ADK: variants seen among roughly 807,000 people sequenced by gnomAD.
ADK encodes N6,N6-dimethyladenosine kinase.
A neutral mutation model predicts 44.7 loss-of-function variants in ADK; 24 were observed. The ratio of observed to expected loss-of-function variants is 0.54; its 90% CI spans 0.39 to 0.76. The LOEUF (loss-of-function observed/expected upper bound fraction) is 0.76, where lower values mean the gene tolerates loss of function less well. ADK is among the 30% of genes least tolerant of loss of function. The pLI is 0.00. For synonymous variants in ADK, 128 were observed against 142.6 expected, an observed-to-expected ratio of 0.90 and a Z score of 0.73; for missense variants, 321 against 425.1, an observed-to-expected ratio of 0.76 and a Z score of 2.15.
intron 4 of ADK, chr10:74,372,480 T>TA (rs35720770): frequency 0.54 from 165,202 of 307,670 alleles, 35,209 homozygotes; most frequent in Middle Eastern, 0.59. Context: ...AATGTCAGTT[T>TA]AAAAAAAAAA....
At chr10:74,309,588 T>C (rs1840367652) in intron 3 of ADK, among the ~76,000 whole-genome samples, 1 of 152,156 alleles carries the variant, frequency 6.6e-6, no homozygotes, top group African/African-American at 2.4e-5. Context: ...ATTCCAATAT[T>C]GATTCTGCTG....
At chr10:74,321,363 A>G (rs180724942) in intron 4 of ADK, among the ~76,000 whole-genome samples, 46 of 152,016 alleles carry the variant, frequency 3.0e-4, no homozygotes, top group Middle Eastern at 3.4e-3. Context: ...AGCTCACTGC[A>G]TCCTTGACCT....
chr10:74,225,178 A>G (rs543369036), intron 3 of ADK, among the ~76,000 whole-genome samples: 1 of 152,284 alleles, frequency 6.6e-6, no homozygotes, highest in South Asian at 2.1e-4. Flanking sequence ...CCTGGGTTCA[A>G]GCAATTCCCC....
At chr10:74,175,466 G>A (rs2132064426) in intron 1 of ADK, among the ~76,000 whole-genome samples, 1 of 151,542 alleles carries the variant, frequency 6.6e-6, no homozygotes, top group East Asian at 1.9e-4. Flanking sequence ...AAATTTAAAT[G>A]AATTAAAATT....
chr10:74,398,086 T>C (rs1843581449), intron 5 of ADK, among the ~76,000 whole-genome samples: 1 of 152,190 alleles, frequency 6.6e-6, no homozygotes, highest in Non-Finnish European at 1.5e-5. Flanking sequence ...TGATATTTAT[T>C]TTTATAAAGA....
intron 4 of ADK, among the ~76,000 whole-genome samples, chr10:74,355,032 T>C (rs1471423557): frequency 6.6e-6 from 1 of 152,118 alleles, no homozygotes; most frequent in African/African-American, 2.4e-5. Context: ...TTTTTCCCCT[T>C]CTTCTTCTTT....
At chr10:74,328,397 A>G (rs1038382463) in intron 4 of ADK, among the ~76,000 whole-genome samples, 8 of 22,114 alleles carry the variant, frequency 3.6e-4, no homozygotes, top group Non-Finnish European at 1.6e-3. Flanking sequence ...CCACCATAGA[A>G]AACTTGCATC....
At chr10:74,353,499 A>G (rs1223926411) in intron 4 of ADK, among the ~76,000 whole-genome samples, 2 of 151,786 alleles carry the variant, frequency 1.3e-5, no homozygotes, top group Admixed American at 1.3e-4. Context: ...AGGTGCACCA[A>G]ACCACCATGG....
At chr10:74,407,220 T>A (rs1329988079) in intron 6 of ADK, among the ~76,000 whole-genome samples, 7 of 152,186 alleles carry the variant, frequency 4.6e-5, no homozygotes, top group African/African-American at 1.4e-4. Flanking sequence ...CCTCCCAAAT[T>A]GCTGGGATTG....
At chr10:74,673,323 T>C (rs561186995) in intron 10 of ADK, among the ~76,000 whole-genome samples, 2 of 152,342 alleles carry the variant, frequency 1.3e-5, no homozygotes, top group East Asian at 1.9e-4. Context: ...AAGAGAGTTA[T>C]ATGAATCAGC....
chr10:74,608,436 T>C (rs1339850687), intron 9 of ADK, among the ~76,000 whole-genome samples: 1 of 152,108 alleles, frequency 6.6e-6, no homozygotes, highest in Non-Finnish European at 1.5e-5. Flanking sequence ...TCCTTTTTGT[T>C]GATGTTGGTG....
intron 3 of ADK, among the ~76,000 whole-genome samples, chr10:74,283,907 C>T (rs996376694): frequency 5.9e-5 from 9 of 151,768 alleles, no homozygotes; most frequent in Non-Finnish European, 1.0e-4. Context: ...GTCTTGATCT[C>T]CTGACCTTGT....
intron 6 of ADK, among the ~76,000 whole-genome samples, chr10:74,454,517 G>T (rs10824183): frequency 0.76 from 115,108 of 152,006 alleles, 44,540 homozygotes; most frequent in Middle Eastern, 0.86. Flanking sequence ...AATCCAAGTT[G>T]CGCTGCTTAC....
chr10:74,373,659 G>C (rs185543435), intron 4 of ADK, among the ~76,000 whole-genome samples: 22 of 152,258 alleles, frequency 1.4e-4, no homozygotes, highest in African/African-American at 4.3e-4. Context: ...TAATCAGAAG[G>C]ACAGAGTTTT....
At chr10:74,381,028 C>T (rs576173026) in intron 4 of ADK, among the ~76,000 whole-genome samples, 31 of 152,186 alleles carry the variant, frequency 2.0e-4, no homozygotes, top group African/African-American at 7.2e-4. Context: ...ACCATGACAA[C>T]AAATGCATGA....
chr10:74,489,891 A>C (rs1847415183), intron 6 of ADK, among the ~76,000 whole-genome samples: 1 of 152,050 alleles, frequency 6.6e-6, no homozygotes. Flanking sequence ...TGTAAGTAGG[A>C]ATAATATAAT....
intron 6 of ADK, chr10:74,423,918 G>T: frequency 9.2e-6 from 2 of 217,752 alleles, no homozygotes; most frequent in South Asian, 1.6e-4. Context: ...ATTGTCCCTT[G>T]ACAAAGTGGA....
intron 9 of ADK, among the ~76,000 whole-genome samples, chr10:74,663,117 A>T (rs537596999): frequency 6.6e-6 from 1 of 151,970 alleles, no homozygotes; most frequent in Admixed American, 6.6e-5. Context: ...CACGCCTGTA[A>T]TCCCAGCTAA....
At chr10:74,544,500 A>C (rs1401411026) in intron 7 of ADK, among the ~76,000 whole-genome samples, 1 of 152,222 alleles carries the variant, frequency 6.6e-6, no homozygotes, top group Non-Finnish European at 1.5e-5. Context: ...AACTTGATAA[A>C]TGTGGTGGGA....
Sources: allele counts gnomAD v4.1 joint callset (sites outside exome capture counted in the v4.1 genomes callset), GRCh38; gene constraint gnomAD v4.1.1; transcripts MANE v1.5; gene names NCBI Gene and HGNC (gene_info 2026-07-23, HGNC 2026-07-21).